DEPTOR: variants seen among roughly 807,000 people sequenced by gnomAD.
DEPTOR encodes DEP domain-containing mTOR-interacting protein.
Under a neutral mutation model 41.6 loss-of-function variants are expected in DEPTOR, and 41 were observed. The observed-to-expected ratio is 0.98, with a 90% CI of 0.77 to 1.28. The LOEUF (loss-of-function observed/expected upper bound fraction) is 1.28. Among genes scored for constraint, DEPTOR ranks in the 50% most tolerant of loss-of-function variants. The probability of loss-of-function intolerance (pLI) is 0.00; values close to 1 mark genes in which losing one functional copy is unlikely to be tolerated. For synonymous variants in DEPTOR, 195 were observed against 192.3 expected (o/e 1.01, Z -0.12); for missense variants, 514 against 527.9 (o/e 0.97, Z 0.26).
At chr8:119,890,300 TTGTTG>T (rs772229137) in intron 1 of DEPTOR, among the ~76,000 whole-genome samples, 7 of 56,470 alleles carry the variant, frequency 1.2e-4, no homozygotes, top group Non-Finnish European at 2.5e-4. Flanking sequence ...TGTTTGTTTG[TTGTTG>T]TTGTTGTTGT....
intron 8 of DEPTOR, among the ~76,000 whole-genome samples, chr8:120,023,512 G>A (rs995235234): frequency 1.3e-5 from 2 of 152,220 alleles, no homozygotes; most frequent in African/African-American, 2.4e-5. Flanking sequence ...CTGAGTTTGG[G>A]GTGGGAGGGC....
At chr8:119,928,766 T>G (rs1279808950) in intron 2 of DEPTOR, among the ~76,000 whole-genome samples, 188 bp downstream of exon 2, 2 of 147,558 alleles carry the variant, frequency 1.4e-5, no homozygotes, top group Non-Finnish European at 3.0e-5. Flanking sequence ...TTTTTTTGTA[T>G]TTTTAGTAGA....
At chr8:119,984,166 T>G (rs945157191) in intron 4 of DEPTOR, among the ~76,000 whole-genome samples, 1 of 152,142 alleles carries the variant, frequency 6.6e-6, no homozygotes, top group Non-Finnish European at 1.5e-5. Flanking sequence ...TGGAAAGATA[T>G]CCTTTTGGCC....
Position 120,001,690 on chromosome 8 carries a change from A to T in DEPTOR, c.770A>T (p.Lys257Ile), listed in dbSNP as rs150938650. 3.7e-5 allele frequency: 60 copies of T among 1,612,932 alleles called. No individual in the cohort carries two copies. The highest frequency in any genetic ancestry group is 5.1e-5 in the Non-Finnish European group (60 of 1,179,588). ...AGGAAGCAGAGCCATGACAATCGGA[A>T]ATCTACCAGCTTTATGTCAGGTATG... ...CLRKQSHDNRKSTSFMSVSPS... is the reference protein window; with the variant it reads ...CLRKQSHDNRISTSFMSVSPS... Residue 257 changes from lysine (K) to isoleucine (I), a missense_variant, in exon 5 of 9, where the codon AAA becomes ATA. Physicochemically the swap from Lys to Ile is moderately radical, Grantham distance 102. Coordinates refer to ENST00000286234, the MANE Select transcript of DEPTOR (RefSeq NM_022783.4).
intron 4 of DEPTOR, among the ~76,000 whole-genome samples, chr8:119,982,347 G>A (rs562083894): frequency 1.3e-5 from 2 of 152,246 alleles, no homozygotes; most frequent in Admixed American, 6.5e-5. Context: ...AAGCAGCTTC[G>A]TGGCTTCTGA....
At chr8:119,901,170 G>A (rs906157023) in intron 1 of DEPTOR, among the ~76,000 whole-genome samples, 10 of 152,116 alleles carry the variant, frequency 6.6e-5, no homozygotes, top group African/African-American at 2.4e-4. Flanking sequence ...TCTATGCATG[G>A]ACGAGGATAT....
At chr8:119,874,784 G>A (rs569735944) in intron 1 of DEPTOR, among the ~76,000 whole-genome samples, 1 of 152,240 alleles carries the variant, frequency 6.6e-6, no homozygotes, top group East Asian at 1.9e-4. Flanking sequence ...TCCCTGTATG[G>A]TCCTTCCTCT....
At chr8:119,972,285 CAGTT>C (rs1416211276) in intron 4 of DEPTOR, among the ~76,000 whole-genome samples, 2 of 152,170 alleles carry the variant, frequency 1.3e-5, no homozygotes, top group Admixed American at 1.3e-4. Context: ...ATTTCCCTGT[CAGTT>C]AGGTATCATA....
chr8:119,994,948 A>G lies in DEPTOR; in HGVS notation c.605-6577A>G, dbSNP rs139760988. 2.5e-3 allele frequency among the ~76,000 whole-genome samples: 382 copies of G among 151,874 alleles called. 7 individuals carry two copies. The highest frequency in any genetic ancestry group is 0.013 in the Admixed American group (203 of 15,242). On this transcript the variant is annotated intron_variant, in intron 4 of 8. Transcript: ENST00000286234. Reference sequence around the variant, plus strand: ...AAAAAAAGGAAAAAAGAAAAAGAAAAAAAAAAGAAGAATTAGAAGAATTAG... The same window carrying G: ...AAAAAAAGGAAAAAAGAAAAAGAAAGAAAAAAGAAGAATTAGAAGAATTAG...
intron 8 of DEPTOR, among the ~76,000 whole-genome samples, chr8:120,011,681 T>A (rs1812532881): frequency 6.6e-6 from 1 of 152,222 alleles, no homozygotes; most frequent in African/African-American, 2.4e-5. Context: ...AAATGTACAG[T>A]GAAATTAATT....
At chr8:120,042,342 C>A (rs1813088536) in intron 8 of DEPTOR, among the ~76,000 whole-genome samples, 1 of 151,938 alleles carries the variant, frequency 6.6e-6, no homozygotes, top group Non-Finnish European at 1.5e-5. Flanking sequence ...ACATAGTGTA[C>A]CATAGATGTT....
chr8:119,927,582 C>T (rs897674896), intron 1 of DEPTOR, among the ~76,000 whole-genome samples: 1 of 146,694 alleles, frequency 6.8e-6, no homozygotes. Flanking sequence ...TATATATATA[C>T]ATATATATTA....
intron 1 of DEPTOR, among the ~76,000 whole-genome samples, chr8:119,910,456 ATTTT>A (rs1309466443): frequency 1.3e-5 from 2 of 151,694 alleles, no homozygotes; most frequent in East Asian, 3.9e-4. Context: ...CTTATTTTTT[ATTTT>A]TTATTTTTTT....
chr8:119,993,656 A>T (rs925265731), intron 4 of DEPTOR, among the ~76,000 whole-genome samples: 11 of 152,308 alleles, frequency 7.2e-5, no homozygotes, highest in African/African-American at 2.6e-4. Flanking sequence ...AAGGTCCTGT[A>T]TATCACTGGG....
chr8:119,987,764 A>T (rs1026933618), intron 4 of DEPTOR, among the ~76,000 whole-genome samples: 2 of 152,108 alleles, frequency 1.3e-5, no homozygotes, highest in Non-Finnish European at 2.9e-5. Flanking sequence ...GGGTTTGCAT[A>T]GCTGTGGTGG....
At chr8:119,916,789 A>T (rs1034736330) in intron 1 of DEPTOR, among the ~76,000 whole-genome samples, 1 of 152,234 alleles carries the variant, frequency 6.6e-6, no homozygotes, top group African/African-American at 2.4e-5. Flanking sequence ...CATAATTACT[A>T]ACCCCTTCAG....
chr8:119,904,205 C>T (rs752500091), intron 1 of DEPTOR, among the ~76,000 whole-genome samples: 1 of 151,938 alleles, frequency 6.6e-6, no homozygotes, highest in African/African-American at 2.4e-5. Context: ...GCAACCTCCA[C>T]CTCCCAGGTT....
chr8:120,045,787 C>A (rs1180630781), intron 8 of DEPTOR, among the ~76,000 whole-genome samples: 1 of 152,190 alleles, frequency 6.6e-6, no homozygotes, highest in African/African-American at 2.4e-5. Context: ...CGTTTGAGAT[C>A]ATGTGCACCA....
At chr8:119,993,468 G>A (rs552105245) in intron 4 of DEPTOR, among the ~76,000 whole-genome samples, 2 of 152,190 alleles carry the variant, frequency 1.3e-5, no homozygotes, top group Non-Finnish European at 2.9e-5. Context: ...TCAATTGGAT[G>A]AGTAACAAAT....
Sources: allele counts gnomAD v4.1 joint callset (sites outside exome capture counted in the v4.1 genomes callset), GRCh38; gene constraint gnomAD v4.1.1; transcripts MANE v1.5; gene names NCBI Gene and HGNC (gene_info 2026-07-23, HGNC 2026-07-21).